Variants in ADAM23 observed in about 807,000 individuals in gnomAD.
The protein encoded by ADAM23 is ADAM metallopeptidase domain 23.
ADAM23 carries 33 observed loss-of-function variants against 120.1 expected under a neutral mutation model. That is an observed-to-expected ratio of 0.27 (90% CI 0.21 to 0.37). The LOEUF is 0.37. Among genes scored for constraint, ADAM23 ranks in the 10% least tolerant of loss-of-function variants. The probability of loss-of-function intolerance (pLI) is 1.00; values close to 1 mark genes in which losing one functional copy is unlikely to be tolerated. For synonymous variants in ADAM23, 367 were observed against 375.2 expected (o/e 0.98, Z 0.25); for missense variants, 862 against 1,058.2 (o/e 0.81, Z 2.57).
chr2:206,463,480 G>T (rs1215432598), intron 2 of ADAM23, among the ~76,000 whole-genome samples: 1 of 152,222 alleles, frequency 6.6e-6, no homozygotes, highest in Non-Finnish European at 1.5e-5. Flanking sequence ...TTGACCTCCA[G>T]AAGTGTAAGA....
At chr2:206,600,240 C>G (rs3821172) in intron 24 of ADAM23, among the ~76,000 whole-genome samples, 19,611 of 152,122 alleles carry the variant, frequency 0.13, 1,668 homozygotes, top group South Asian at 0.29. Flanking sequence ...TATCTTTTTT[C>G]TCATGATCCA....
At chr2:206,487,976 T>C (rs1457557631) in intron 3 of ADAM23, among the ~76,000 whole-genome samples, 1 of 152,236 alleles carries the variant, frequency 6.6e-6, no homozygotes, top group Non-Finnish European at 1.5e-5. Context: ...ACAATCTTTA[T>C]TCTGATTTTC....
intron 2 of ADAM23, among the ~76,000 whole-genome samples, chr2:206,450,736 G>C (rs974970683): frequency 1.3e-5 from 2 of 152,202 alleles, no homozygotes; most frequent in Admixed American, 1.3e-4. Flanking sequence ...AGAGCTGGTA[G>C]TTTTTGTTAT....
chr2:206,476,452 A>G (rs915557927), intron 2 of ADAM23, among the ~76,000 whole-genome samples: 1 of 152,146 alleles, frequency 6.6e-6, no homozygotes, highest in Admixed American at 6.5e-5. Context: ...GTGAGTGAGC[A>G]TTACTGCCTG....
At chr2:206,449,060 C>G (rs1695139279) in intron 2 of ADAM23, among the ~76,000 whole-genome samples, 1 of 152,028 alleles carries the variant, frequency 6.6e-6, no homozygotes, top group Non-Finnish European at 1.5e-5. Context: ...GACGCTGTCT[C>G]CAGGCTAAGA....
At chr2:206,525,833 G>A (rs1259292497) in intron 3 of ADAM23, among the ~76,000 whole-genome samples, 2 of 151,864 alleles carry the variant, frequency 1.3e-5, no homozygotes, top group East Asian at 1.9e-4. Context: ...CCTGTGATCC[G>A]CCTGCCTCAG....
Position 206,443,889 on chromosome 2 carries a change from C to A in ADAM23, c.23C>A (p.Ser8Ter). 8.6e-7 allele frequency: 1 copy of A among 1,164,508 alleles called. No homozygotes were observed. The highest frequency in any genetic ancestry group is 1.1e-6 in the Non-Finnish European group (1 of 947,710). 72.1% of individuals were successfully genotyped at this position (1,164,508 alleles called of 1,614,324 possible). Residue 8 changes from serine to a stop codon, truncating the protein, a stop_gained, in exon 1 of 26, where the codon TCG becomes TAG. Transcript: ENST00000264377. LOFTEE classifies it high-confidence loss of function. ...GCCATGAAGCCGCCCGGCAGCAGCT[C>A]GCGGCAGCCGCCCCTGGCGGGCTGC... MKPPGSS[S>*]RQPPLAGCSL...
intron 2 of ADAM23, among the ~76,000 whole-genome samples, chr2:206,473,571 A>AC: frequency 6.8e-6 from 1 of 147,958 alleles, no homozygotes; most frequent in Non-Finnish European, 1.5e-5. Flanking sequence ...ACCCATCTCT[A>AC]AAATAATAAT....
intron 4 of ADAM23, 90 bp downstream of exon 4, chr2:206,531,038 T>C: frequency 1.1e-6 from 1 of 905,244 alleles, no homozygotes; most frequent in Non-Finnish European, 1.6e-6. Flanking sequence ...GACGTCTGTC[T>C]CAGTAAAATC....
chr2:206,607,801 A>G (rs1395735043), intron 24 of ADAM23, among the ~76,000 whole-genome samples: 2 of 152,290 alleles, frequency 1.3e-5, no homozygotes, highest in Non-Finnish European at 1.5e-5. Context: ...AAAATAATGT[A>G]GTACAATATA....
At chr2:206,515,109 G>A (rs145015923) in intron 3 of ADAM23, among the ~76,000 whole-genome samples, 1 of 152,168 alleles carries the variant, frequency 6.6e-6, no homozygotes, top group East Asian at 1.9e-4. Context: ...CTTTTCTTTA[G>A]ATTCACTGTT....
chr2:206,620,829 G>GT lies in ADAM23; in HGVS notation c.*3208dup, dbSNP rs1224935963. ...TTACCAAGTGGTGTGTGTGGTTTTTGTTTTTTACTATGCAAAGATGGGAAA... is the reference window on the plus strand; with the variant it reads ...TTACCAAGTGGTGTGTGTGGTTTTTGTTTTTTTACTATGCAAAGATGGGAAA... On this transcript the variant is annotated 3_prime_UTR_variant, in exon 26 of 26. Transcript: ENST00000264377. The GT allele has an allele frequency of 6.6e-6, 1 of 152,104 alleles. No individual in the cohort carries two copies. Among genetic ancestry groups the GT allele is most frequent in the Non-Finnish European group, 1.5e-5 (1 of 68,008 alleles). The allele number at this position is 152,104 out of a possible 1,614,324, so 9.4% of individuals were successfully genotyped here. A position where few individuals can be genotyped will look rare whatever the true frequency, so the allele number is the denominator to read the frequency against.
intron 3 of ADAM23, among the ~76,000 whole-genome samples, chr2:206,488,712 C>T (rs1013118674): frequency 2.0e-5 from 3 of 152,174 alleles, no homozygotes; most frequent in African/African-American, 7.2e-5. Flanking sequence ...GGGTCTCAGG[C>T]AGTTCCAGTC....
At chr2:206,485,018 A>C (rs1695981809) in intron 3 of ADAM23, among the ~76,000 whole-genome samples, 1 of 152,172 alleles carries the variant, frequency 6.6e-6, no homozygotes, top group African/African-American at 2.4e-5. Flanking sequence ...TGGAACTATG[A>C]GTCCATTAAA....
chr2:206,583,799 T>A (rs1304717181), intron 18 of ADAM23, among the ~76,000 whole-genome samples: 1 of 152,196 alleles, frequency 6.6e-6, no homozygotes, highest in Admixed American at 6.5e-5. Context: ...TGGCTTTGCC[T>A]TTCTCTGGTC....
intron 9 of ADAM23, among the ~76,000 whole-genome samples, chr2:206,550,929 G>T (rs1218504081): frequency 6.6e-6 from 1 of 152,176 alleles, no homozygotes; most frequent in East Asian, 1.9e-4. Flanking sequence ...TTGGAAAGAT[G>T]AATAATCTCG....
intron 24 of ADAM23, among the ~76,000 whole-genome samples, chr2:206,599,062 G>A (rs1384332183): frequency 8.0e-5 from 12 of 150,788 alleles, no homozygotes; most frequent in Non-Finnish European, 5.9e-5. Flanking sequence ...AAAATTAGCC[G>A]GGCATGGTGG....
At chr2:206,476,250 T>A (rs1325435876) in intron 2 of ADAM23, among the ~76,000 whole-genome samples, 1 of 152,202 alleles carries the variant, frequency 6.6e-6, no homozygotes, top group African/African-American at 2.4e-5. Flanking sequence ...TGGGCATGTT[T>A]CGTTCATTAC....
rs567022863 is a variant in ADAM23 at position 206,455,622 on chromosome 2, A to G, written c.432+10098A>G. 7.2e-5 allele frequency among the ~76,000 whole-genome samples: 11 copies of G among 152,260 alleles called. No homozygotes were observed. The East Asian group carries it at 2.1e-3, about 29-fold the overall frequency. On this transcript the variant is annotated intron_variant, in intron 2 of 25. Transcript: ENST00000264377. ...AGTTCCAGTTTCAGCCCATCTCTTC[A>G]TTCACGCATATGGGCACATACTTTT...
Sources: allele counts gnomAD v4.1 joint callset (sites outside exome capture counted in the v4.1 genomes callset), GRCh38; gene constraint gnomAD v4.1.1; transcripts MANE v1.5; gene names NCBI Gene and HGNC (gene_info 2026-07-23, HGNC 2026-07-21).